EMX1: variants seen among roughly 807,000 people sequenced by gnomAD.
EMX1 encodes the protein homeobox protein EMX1.
EMX1 carries 10 observed loss-of-function variants against 20.1 expected under a neutral mutation model. The ratio of observed to expected loss-of-function variants is 0.50; its 90% CI spans 0.31 to 0.84. The LOEUF is 0.84. Among genes scored for constraint, EMX1 ranks in the 40% least tolerant of loss-of-function variants. The probability of loss-of-function intolerance (pLI) is 0.05; values close to 1 mark genes in which losing one functional copy is unlikely to be tolerated. For synonymous variants in EMX1, 250 were observed against 200.4 expected (o/e 1.25, Z -2.09); for missense variants, 424 against 431.9 (o/e 0.98, Z 0.16).
chr2:72,933,432 G>A (rs374211894), intron 2 of EMX1: 10 of 247,440 alleles, frequency 4.0e-5, no homozygotes, highest in South Asian at 8.1e-5. Flanking sequence ...CTAGAAACTC[G>A]TAGAGTCCCA....
chr2:72,922,164 C>CT (rs1261886639), intron 1 of EMX1, among the ~76,000 whole-genome samples: 2 of 152,262 alleles, frequency 1.3e-5, no homozygotes, highest in African/African-American at 2.4e-5. Flanking sequence ...GGCTTTCTCT[C>CT]TCCCTCTCTG....
chr2:72,932,279 C>T (rs1671298537), intron 2 of EMX1, among the ~76,000 whole-genome samples: 1 of 152,226 alleles, frequency 6.6e-6, no homozygotes, highest in Non-Finnish European at 1.5e-5. Context: ...GGAAACCATC[C>T]AGGCCTTGTA....
At chr2:72,933,692 A>C in intron 2 of EMX1, 95 bp from the exon 3 acceptor site, 2 of 1,488,788 alleles carry the variant, frequency 1.3e-6, no homozygotes, top group Non-Finnish European at 1.8e-6. Context: ...CAGTCTTCCC[A>C]TCAGGCTCTC....
At chr2:72,920,431 G>A (rs1671080907) in intron 1 of EMX1, among the ~76,000 whole-genome samples, 1 of 152,198 alleles carries the variant, frequency 6.6e-6, no homozygotes, top group Non-Finnish European at 1.5e-5. Context: ...AGGACTTTTC[G>A]AACCCTGTAG....
chr2:72,916,358 G>A, upstream of EMX1: 1 of 370,272 alleles, frequency 2.7e-6, no homozygotes, highest in Non-Finnish European at 5.0e-6. Context: ...AATGGACCCC[G>A]GCAGCGGCGA....
Position 72,917,909 on chromosome 2 carries a change from C to A in EMX1, c.57C>A (p.Leu19=). 4.0e-6 allele frequency: 6 copies of A among 1,483,430 alleles called. No homozygotes were observed. Among genetic ancestry groups the A allele is most frequent in the Non-Finnish European group, 5.3e-6 (6 of 1,124,636 alleles). 91.9% of individuals were successfully genotyped at this position (1,483,430 alleles called of 1,614,324 possible). A position where few individuals can be genotyped will look rare whatever the true frequency, so the allele number is the denominator to read the frequency against. Residue 19 remains leucine, a synonymous_variant, in exon 1 of 3, where the codon CTC becomes CTA. Transcript: ENST00000258106. The stretch of plus-strand genomic sequence containing the variant: ...CGGCGGCGCCAGGACGCGGAGCGCT[C>A]CCCAGAGCCCGGCTGCCTCGCACAG... ...RKAAAPGRGA[L]PRARLPRTAP... is the part of the protein sequence containing the mutation.
intron 1 of EMX1, among the ~76,000 whole-genome samples, chr2:72,923,051 T>C (rs1393014321): frequency 6.6e-6 from 1 of 152,194 alleles, no homozygotes; most frequent in East Asian, 1.9e-4. Context: ...TCTGTTAGCA[T>C]GTGCAACCAA....
intron 2 of EMX1, among the ~76,000 whole-genome samples, chr2:72,931,072 G>A (rs752950240): frequency 2.0e-5 from 3 of 152,172 alleles, no homozygotes; most frequent in Admixed American, 6.5e-5. Context: ...GCTGTTCTCC[G>A]GAAGATGGCC....
intron 1 of EMX1, among the ~76,000 whole-genome samples, chr2:72,918,695 A>G (rs1176307378): frequency 2.0e-5 from 3 of 152,192 alleles, no homozygotes. Context: ...CAGCTGAGCC[A>G]GTCTCAGACC....
chr2:72,921,915 AAC>A (rs1187807176), intron 1 of EMX1, among the ~76,000 whole-genome samples: 1 of 152,216 alleles, frequency 6.6e-6, no homozygotes, highest in South Asian at 2.1e-4. Flanking sequence ...TATAAAGACA[AAC>A]ACAGAGCACT....
chr2:72,934,002 C>T lies in EMX1; in HGVS notation c.*48C>T, dbSNP rs777293280. ...AGGGCAGAGTGCTGCTTGCTGCTGG[C>T]CAGGCCCCTGCGTGGGCCCAAGCTG... On this transcript the variant is annotated 3_prime_UTR_variant, in exon 3 of 3. Transcript: ENST00000258106. The T allele has an allele frequency of 3.1e-6, 5 of 1,608,448 alleles. No individual in the cohort carries two copies. The highest frequency in any genetic ancestry group is 1.7e-4 in the Middle Eastern group (1 of 6,040).
intron 2 of EMX1, among the ~76,000 whole-genome samples, chr2:72,932,773 C>T (rs890934564): frequency 6.6e-6 from 1 of 152,200 alleles, no homozygotes; most frequent in Non-Finnish European, 1.5e-5. Flanking sequence ...CACCCCATAC[C>T]TTGCCAGGGC....
chr2:72,916,324 C>G (rs1333519742), upstream of EMX1: 7 of 293,778 alleles, frequency 2.4e-5, no homozygotes, highest in Admixed American at 5.0e-5. Context: ...GATCTGCGCG[C>G]CCAGGCAGCG....
chr2:72,924,754 C>G (rs937461784), intron 2 of EMX1, among the ~76,000 whole-genome samples: 1 of 152,230 alleles, frequency 6.6e-6, no homozygotes, highest in African/African-American at 2.4e-5. Flanking sequence ...GTATCCCGAG[C>G]CCGGCTCCCA....
Position 72,934,014 on chromosome 2 carries a change from G to A in EMX1, c.*60G>A, listed in dbSNP as rs1008455952. 8.1e-5 allele frequency: 129 copies of A among 1,598,594 alleles called. No individual in the cohort carries two copies. The highest frequency in any genetic ancestry group is 1.0e-4 in the Non-Finnish European group (118 of 1,171,558). On this transcript the variant is annotated 3_prime_UTR_variant, in exon 3 of 3. Transcript: ENST00000258106. ...TGCTTGCTGCTGGCCAGGCCCCTGCGTGGGCCCAAGCTGGACTCTGGCCAC... is the reference window on the plus strand; with the variant it reads ...TGCTTGCTGCTGGCCAGGCCCCTGCATGGGCCCAAGCTGGACTCTGGCCAC...
intron 1 of EMX1, among the ~76,000 whole-genome samples, chr2:72,919,767 CCCAAAT>C (rs1341693142): frequency 3.9e-5 from 6 of 152,232 alleles, no homozygotes; most frequent in Non-Finnish European, 8.8e-5. Context: ...CAAAGACTTG[CCCAAAT>C]CCAAATCCGA....
Position 72,934,070 on chromosome 2 carries a change from TC to T in EMX1, c.*117del. On this transcript the variant is annotated 3_prime_UTR_variant, in exon 3 of 3. Transcript: ENST00000258106. ...GGCCAGGCTTTGGGGAGGCCTGGAG[TC>T]ATGGCCCCACAGGGCTTGAAGCCCG... The T allele has an allele frequency of 7.1e-7, 1 of 1,401,068 alleles. No homozygotes were observed. The highest frequency in any genetic ancestry group is 9.6e-7 in the Non-Finnish European group (1 of 1,042,380). The allele number at this position is 1,401,068 out of a possible 1,614,324, so 86.8% of individuals were successfully genotyped here.
intron 2 of EMX1, chr2:72,933,433 TAG>T (rs1671315616): frequency 4.0e-6 from 1 of 252,698 alleles, no homozygotes; most frequent in African/African-American, 2.2e-5. Context: ...TAGAAACTCG[TAG>T]AGTCCCATGT....
At position 72,918,309 on chromosome 2, in the gene EMX1, C is replaced by T; in HGVS notation, c.457C>T (p.Arg153Trp). Reference sequence around the variant, plus strand: ...GCACTCCTTCTTCGGCGCCCAGCACCGGGACCCTCTCCATTTCTACCCCTG... The same window carrying T: ...GCACTCCTTCTTCGGCGCCCAGCACTGGGACCCTCTCCATTTCTACCCCTG... ...PPHSFFGAQH[R>W]DPLHFYPWVL... The change falls in exon 1 of 3, where the codon CGG becomes TGG. Residue 153 changes from arginine (R) to tryptophan (W), a missense_variant. Physicochemically the swap from Arg to Trp is moderately radical, Grantham distance 101. Transcript: ENST00000258106. The T allele has an allele frequency of 6.4e-7, 1 of 1,569,370 alleles. No individual in the cohort carries two copies. The highest frequency in any genetic ancestry group is 8.6e-7 in the Non-Finnish European group (1 of 1,168,918).
Sources: gnomAD v4.1 joint callset for allele counts (sites outside exome capture counted in the v4.1 genomes callset) on GRCh38, gnomAD v4.1.1 for gene constraint, MANE v1.5 for transcripts, NCBI Gene and HGNC (gene_info 2026-07-23, HGNC 2026-07-21) for gene names.